CABIN1: variants seen among roughly 807,000 people sequenced by gnomAD.
CABIN1 encodes calcineurin binding protein 1, also known as calcineurin-binding protein cabin-1.
Under a neutral mutation model 227.7 loss-of-function variants are expected in CABIN1, and 133 were observed. The ratio of observed to expected loss-of-function variants is 0.58; its 90% CI spans 0.51 to 0.67. The LOEUF (loss-of-function observed/expected upper bound fraction) is 0.67. CABIN1 is among the 30% of genes least tolerant of loss of function. The probability of loss-of-function intolerance (pLI) is 0.00; values close to 1 mark genes in which losing one functional copy is unlikely to be tolerated. For missense variants in CABIN1, 2,408 were observed against 2,852.5 expected (o/e 0.84, Z 3.55); for synonymous variants, 1,086 against 1,155.1 (o/e 0.94, Z 1.21).
chr22:24,079,537 T>C (rs187506862), intron 19 of CABIN1, among the ~76,000 whole-genome samples: 5 of 152,222 alleles, frequency 3.3e-5, no homozygotes, highest in Non-Finnish European at 7.4e-5. Context: ...TGGGAATTCC[T>C]GCACATCTGT....
At chr22:24,156,097 G>C (rs2045780343) in intron 29 of CABIN1, 1 of 412,038 alleles carries the variant, frequency 2.4e-6, no homozygotes, top group South Asian at 6.8e-5. Context: ...GGCGGGGGCG[G>C]GGGCCGGGAC....
chr22:24,092,990 C>T (rs1304970385), intron 24 of CABIN1, among the ~76,000 whole-genome samples: 1 of 152,140 alleles, frequency 6.6e-6, no homozygotes, highest in Non-Finnish European at 1.5e-5. Context: ...TTTATCTGCA[C>T]GGACCCTTGA....
At chr22:24,101,011 C>T (rs2042170183) in intron 26 of CABIN1, among the ~76,000 whole-genome samples, 1 of 152,198 alleles carries the variant, frequency 6.6e-6, no homozygotes. Context: ...CCACCTCTCT[C>T]CAGCTAGTGG....
chr22:24,138,581 G>A (rs1028899645), intron 29 of CABIN1, among the ~76,000 whole-genome samples: 3 of 152,132 alleles, frequency 2.0e-5, no homozygotes, highest in Non-Finnish European at 4.4e-5. Context: ...TTAATTTGCC[G>A]AAGTGGCTCA....
intron 28 of CABIN1, 102 bp from the exon 29 acceptor site, chr22:24,134,200 G>A (rs1354164443): frequency 3.9e-6 from 3 of 761,384 alleles, no homozygotes; most frequent in South Asian, 1.5e-5. Flanking sequence ...GCTGCTCATC[G>A]TGGTTTGCCA....
chr22:24,079,703 T>C (rs1009719181), intron 19 of CABIN1, among the ~76,000 whole-genome samples: 10 of 152,210 alleles, frequency 6.6e-5, no homozygotes, highest in African/African-American at 1.9e-4. Context: ...TTTCCTCTTA[T>C]GCAAATTGCC....
At chr22:24,028,626 C>G (rs988229263) in intron 1 of CABIN1, among the ~76,000 whole-genome samples, 1 of 149,504 alleles carries the variant, frequency 6.7e-6, no homozygotes, top group Admixed American at 6.7e-5. Flanking sequence ...TATGACTATT[C>G]CATCCTTAGG....
intron 19 of CABIN1, among the ~76,000 whole-genome samples, chr22:24,076,782 T>C (rs2040473615): frequency 6.6e-6 from 1 of 152,174 alleles, no homozygotes; most frequent in Non-Finnish European, 1.5e-5. Flanking sequence ...ACTTGTCAGT[T>C]GTGATTGACT....
At chr22:24,094,836 A>G (rs1365211499) in intron 24 of CABIN1, among the ~76,000 whole-genome samples, 2 of 151,718 alleles carry the variant, frequency 1.3e-5, no homozygotes, top group East Asian at 1.9e-4. Flanking sequence ...AAAAAAAAAA[A>G]AAAAAAAAAG....
intron 26 of CABIN1, among the ~76,000 whole-genome samples, chr22:24,109,245 G>T (rs1210850073): frequency 1.3e-5 from 2 of 150,560 alleles, no homozygotes; most frequent in Non-Finnish European, 3.0e-5. Flanking sequence ...TTTAGACAGG[G>T]TCTCGCTCTG....
intron 6 of CABIN1, among the ~76,000 whole-genome samples, chr22:24,044,294 C>A (rs907577799): frequency 3.9e-5 from 6 of 152,174 alleles, no homozygotes; most frequent in African/African-American, 1.2e-4. Context: ...TGAAAGATAA[C>A]ATATATTCTT....
rs577254591 is a variant in CABIN1 at position 24,067,058 on chromosome 22, C to T, written c.2109C>T (p.Gly703=). 1.8e-5 allele frequency: 29 copies of T among 1,614,156 alleles called. No homozygotes were observed. The highest frequency in any genetic ancestry group is 3.3e-5 in the South Asian group (3 of 91,084). The stretch of plus-strand genomic sequence containing the variant: ...AGATTCAGCGGCTGTATGAAGCAGG[C>T]GACTACAAGGCTGTTGTGCATCTGC... ...LEEIQRLYEA[G]DYKAVVHLLR... is the part of the protein sequence containing the mutation. The change falls in exon 16 of 37, where the codon GGC becomes GGT. Residue 703 remains glycine, a synonymous_variant. Transcript: ENST00000263119.
chr22:24,141,040 A>G (rs1028652557), intron 29 of CABIN1, among the ~76,000 whole-genome samples: 1 of 152,222 alleles, frequency 6.6e-6, no homozygotes, highest in African/African-American at 2.4e-5. Context: ...CACACTTGGC[A>G]TGCCACACAA....
At chr22:24,114,620 C>T (rs955653220) in intron 27 of CABIN1, among the ~76,000 whole-genome samples, 11 of 152,178 alleles carry the variant, frequency 7.2e-5, no homozygotes, top group African/African-American at 2.2e-4. Flanking sequence ...GCTACCTCTC[C>T]GGGTGGGATG....
chr22:24,119,832 G>A (rs1431021130), intron 28 of CABIN1, 134 bp downstream of exon 28: 5 of 928,858 alleles, frequency 5.4e-6, no homozygotes, highest in Non-Finnish European at 8.5e-6. Context: ...GAGGAGAGCT[G>A]CAGGAGGCAG....
At chr22:24,079,891 T>C (rs2040696369) in intron 19 of CABIN1, among the ~76,000 whole-genome samples, 1 of 152,204 alleles carries the variant, frequency 6.6e-6, no homozygotes, top group Admixed American at 6.5e-5. Context: ...TGTGCACCTT[T>C]ATGTGGGATA....
At position 24,054,746 on chromosome 22, in the gene CABIN1, C is replaced by G. The variant is rs568322111; in HGVS notation, c.807-127C>G. The G allele has an allele frequency of 8.7e-6, 10 of 1,152,370 alleles. No individual in the cohort carries two copies. The African/African-American group carries it at 1.4e-4, about 16-fold the overall frequency. 71.4% of individuals were successfully genotyped at this position (1,152,370 alleles called of 1,614,324 possible). A position where few individuals can be genotyped will look rare whatever the true frequency, so the allele number is the denominator to read the frequency against. On this transcript the variant is annotated intron_variant, in intron 8 of 36. Transcript: ENST00000263119. Reference sequence around the variant, plus strand: ...GTGATGAAACCTTGATCACCTCCCCCACCCCCATGGACATGGCAGCTCCAG... The same window carrying G: ...GTGATGAAACCTTGATCACCTCCCCGACCCCCATGGACATGGCAGCTCCAG...
Position 24,076,591 on chromosome 22 carries a change from C to T in CABIN1, c.2748+307C>T, listed in dbSNP as rs17640780. On this transcript the variant is annotated intron_variant, in intron 19 of 36. Transcript: ENST00000263119. The stretch of plus-strand genomic sequence containing the variant: ...TACTGAGTTTCTTCCTAGTCAGGCA[C>T]GGGGCTAGGCCTTGTAGTTGTAATT... 2.2e-3 allele frequency among the ~76,000 whole-genome samples: 328 copies of T among 152,260 alleles called. 1 individual carries two copies. The highest frequency in any genetic ancestry group is 4.0e-3 in the Non-Finnish European group (274 of 68,014).
intron 1 of CABIN1, among the ~76,000 whole-genome samples, chr22:24,013,493 G>A (rs1159277124): frequency 2.0e-5 from 3 of 152,056 alleles, no homozygotes; most frequent in African/African-American, 4.8e-5. Context: ...CACCATGCCC[G>A]GCCTCTTTTT....
Sources: allele counts gnomAD v4.1 joint callset (sites outside exome capture counted in the v4.1 genomes callset), GRCh38; gene constraint gnomAD v4.1.1; transcripts MANE v1.5; gene names NCBI Gene and HGNC (gene_info 2026-07-23, HGNC 2026-07-21).